MBD2: variants seen among roughly 807,000 people sequenced by gnomAD.
MBD2 encodes the protein methyl-CpG binding domain protein 2, also known as methyl-CpG-binding domain protein 2.
MBD2 carries 9 observed loss-of-function variants against 39.3 expected under a neutral mutation model. The observed-to-expected ratio is 0.23, with a 90% CI of 0.14 to 0.40. The LOEUF (loss-of-function observed/expected upper bound fraction) is 0.40, where lower values mean the gene tolerates loss of function less well. Among genes scored for constraint, MBD2 ranks in the 10% least tolerant of loss-of-function variants. MBD2 has a pLI of 1.00. For missense variants in MBD2, 458 were observed against 532.6 expected, an observed-to-expected ratio of 0.86 and a Z score of 1.38; for synonymous variants, 233 against 211.1, an observed-to-expected ratio of 1.10 and a Z score of -0.90.
intron 2 of MBD2, among the ~76,000 whole-genome samples, chr18:54,193,641 A>G (rs545903446): frequency 6.6e-6 from 1 of 152,270 alleles, no homozygotes; most frequent in South Asian, 2.1e-4. Flanking sequence ...AATTTTTAAA[A>G]ACAGAAAATC....
At chr18:54,179,287 T>G (rs942518936) in intron 3 of MBD2, among the ~76,000 whole-genome samples, 2 of 152,260 alleles carry the variant, frequency 1.3e-5, no homozygotes, top group Non-Finnish European at 1.5e-5. Flanking sequence ...AAAGAAAATT[T>G]TGTTTTTTAA....
intron 1 of MBD2, among the ~76,000 whole-genome samples, chr18:54,217,888 A>G (rs2144352429): frequency 6.6e-6 from 1 of 152,358 alleles, no homozygotes; most frequent in South Asian, 2.1e-4. Flanking sequence ...ACAGACAGCA[A>G]TGCTGCACCC....
In MBD2 at chr18:54,224,652, GA is replaced by G. The variant is rs2086648441; in HGVS notation, c.-94del. On this transcript the variant is annotated 5_prime_UTR_variant, in exon 1 of 7. Transcript: ENST00000256429. ...CCCGCCCGCAGCGCGGCGCGCGGGG[GA>G]CGCGCGCAAGCATCATAGAGCGGGC... 3.1e-6 allele frequency: 3 copies of G among 952,676 alleles called. No individual in the cohort carries two copies. The highest frequency in any genetic ancestry group is 4.1e-6 in the Non-Finnish European group (3 of 733,368). 59.0% of individuals were successfully genotyped at this position (952,676 alleles called of 1,614,324 possible). A position where few individuals can be genotyped will look rare whatever the true frequency, so the allele number is the denominator to read the frequency against.
chr18:54,189,110 C>G, intron 2 of MBD2, 99 bp from the exon 3 acceptor site: 1 of 770,448 alleles, frequency 1.3e-6, no homozygotes, highest in Non-Finnish European at 1.9e-6. Flanking sequence ...TCAAATTATT[C>G]CAAACTTCTC....
intron 3 of MBD2, among the ~76,000 whole-genome samples, chr18:54,176,957 T>G (rs1475772600): frequency 1.3e-5 from 2 of 152,234 alleles, no homozygotes; most frequent in Non-Finnish European, 2.9e-5. Context: ...AGAGGTGCAG[T>G]AAGCGTTTGC....
chr18:54,204,972 T>G, intron 2 of MBD2, 26 bp downstream of exon 2: 1 of 1,606,428 alleles, frequency 6.2e-7, no homozygotes, highest in Non-Finnish European at 8.5e-7. Flanking sequence ...AAGTAGCATA[T>G]ACATGCGATA....
intron 3 of MBD2, among the ~76,000 whole-genome samples, chr18:54,180,897 C>CTTTTTTTTTTTTTTTTTTTTTTTTTTT (rs1211071727): frequency 6.6e-5 from 7 of 105,358 alleles, no homozygotes; most frequent in African/African-American, 1.9e-4. Context: ...TTAATTTTTT[C>CTTTTTTTTTTTTTTTTTTTTTTTTTTT]TTTTTCTTTT....
intron 5 of MBD2, among the ~76,000 whole-genome samples, chr18:54,160,746 T>C (rs1010723364): frequency 1.3e-5 from 2 of 149,632 alleles, no homozygotes; most frequent in Non-Finnish European, 3.0e-5. Context: ...TAAATAGAAA[T>C]TGACATCCAG....
intron 1 of MBD2, among the ~76,000 whole-genome samples, chr18:54,211,349 C>CA (rs967101368): frequency 6.6e-6 from 1 of 151,326 alleles, no homozygotes; most frequent in Non-Finnish European, 1.5e-5. Context: ...ACAAAACAAT[C>CA]AGAAACCCGC....
rs1055208143 is a variant in MBD2 at position 54,172,062 on chromosome 18, C to G, written c.841-5896G>C. The stretch of plus-strand genomic sequence containing the variant: ...GATCAGTAAACTTTAAGAGAACTAT[C>G]AAATTACTCTTAATCCATTTAACTC... On this transcript the variant is annotated intron_variant, in intron 3 of 6. Coordinates refer to ENST00000256429, the MANE Select transcript of MBD2 (RefSeq NM_003927.5). Among the ~76,000 whole-genome samples the G allele has an allele frequency of 5.9e-5, 9 of 152,192 alleles. No homozygotes were observed. The East Asian group carries it at 1.7e-3, about 29-fold the overall frequency.
At chr18:54,209,022 C>T (rs1315686614) in intron 1 of MBD2, among the ~76,000 whole-genome samples, 2 of 152,130 alleles carry the variant, frequency 1.3e-5, no homozygotes, top group African/African-American at 2.4e-5. Context: ...GGGCCAGGCA[C>T]GGTGGCTCAC....
At chr18:54,180,897 C>CTTTTTTTTTTATTTTTTTTTTTTTTTT (rs1211071727) in intron 3 of MBD2, among the ~76,000 whole-genome samples, 1 of 105,372 alleles carries the variant, frequency 9.5e-6, no homozygotes, top group Non-Finnish European at 1.8e-5. Context: ...TTAATTTTTT[C>CTTTTTTTTTTATTTTTTTTTTTTTTTT]TTTTTCTTTT....
chr18:54,205,500 A>G (rs919403279), intron 1 of MBD2, among the ~76,000 whole-genome samples: 5 of 151,198 alleles, frequency 3.3e-5, no homozygotes, highest in Non-Finnish European at 7.4e-5. Context: ...CTGAGGCAGG[A>G]GAATCGCTTG....
At position 54,153,915 on chromosome 18, in the gene MBD2, C is replaced by G. The variant is rs2086036857; in HGVS notation, c.*1409G>C. On this transcript the variant is annotated 3_prime_UTR_variant, in exon 7 of 7. Transcript: ENST00000256429. ...ATAAAAGTCCAGGAAAAACAGCAGC[C>G]CAAACAGCAGCCCAAACCTAGCTAG... The G allele has an allele frequency of 6.6e-6, 1 of 152,220 alleles. No individual in the cohort carries two copies. Among genetic ancestry groups the G allele is most frequent in the African/African-American group, 2.4e-5 (1 of 41,406 alleles). 9.4% of individuals were successfully genotyped at this position (152,220 alleles called of 1,614,324 possible).
At position 54,224,425 on chromosome 18, in the gene MBD2, CG is replaced by C. The variant is rs1281191512; in HGVS notation, c.134del (p.Pro45ArgfsTer2). The C allele has an allele frequency of 4.0e-6, 5 of 1,241,850 alleles. No individual in the cohort carries two copies. In the South Asian group the frequency reaches 1.0e-4, roughly 25 times the overall value. 76.9% of individuals were successfully genotyped at this position (1,241,850 alleles called of 1,614,324 possible). Reference protein sequence around the residue: ...GGQGSALAPSPVSGVRREGAR... With the variant: ...GGQGSALAPSXVSGVRREGAR... The stretch of plus-strand genomic sequence containing the variant: ...CGCCTTCCCTGCGCACGCCGCTCAC[CG>C]GGGACGGGGCGAGCGCGCTGCCCTG... On this transcript the variant is annotated frameshift_variant, in exon 1 of 7. Coordinates refer to ENST00000256429, the MANE Select transcript of MBD2 (RefSeq NM_003927.5). LOFTEE classifies it high-confidence loss of function.
At position 54,212,626 on chromosome 18, in the gene MBD2, A is replaced by AT. The variant is rs199674841; in HGVS notation, c.543-7470dup. On this transcript the variant is annotated intron_variant, in intron 1 of 6. Coordinates refer to ENST00000256429, the MANE Select transcript of MBD2 (RefSeq NM_003927.5). ...ACTACTTTTGTATGTATGAATGAAA[A>AT]TTTCTCTATTTTGTTTAAACATTAA... 2.2e-3 allele frequency among the ~76,000 whole-genome samples: 334 copies of AT among 152,128 alleles called. 3 individuals carry two copies. The highest frequency in any genetic ancestry group is 7.5e-3 in the African/African-American group (311 of 41,490).
chr18:54,186,370 G>A lies in MBD2; in HGVS notation c.840+2504C>T, dbSNP rs553404282. Among the ~76,000 whole-genome samples, 25 of 152,146 alleles carry A rather than the reference G, an allele frequency of 1.6e-4. No individual in the cohort carries two copies. In the East Asian group the frequency reaches 4.4e-3, roughly 27 times the overall value. On this transcript the variant is annotated intron_variant, in intron 3 of 6. Coordinates refer to ENST00000256429, the MANE Select transcript of MBD2 (RefSeq NM_003927.5). ...AACTGAATTCAATGAATCTAAGAAT[G>A]GATAGCAAAATTGGAAGAATCATTT...
intron 3 of MBD2, among the ~76,000 whole-genome samples, chr18:54,177,697 G>T (rs1221989418): frequency 6.6e-6 from 1 of 151,840 alleles, no homozygotes; most frequent in African/African-American, 2.4e-5. Context: ...TAGCCAGGAT[G>T]ATCTCAATCT....
chr18:54,168,743 A>C (rs895906179), intron 3 of MBD2, among the ~76,000 whole-genome samples: 10 of 151,224 alleles, frequency 6.6e-5, no homozygotes, highest in Admixed American at 5.3e-4. Flanking sequence ...TTAAAAAAAG[A>C]AAACACTTAA....
Sources: allele counts gnomAD v4.1 joint callset (sites outside exome capture counted in the v4.1 genomes callset), GRCh38; gene constraint gnomAD v4.1.1; transcripts MANE v1.5; gene names NCBI Gene and HGNC (gene_info 2026-07-23, HGNC 2026-07-21).